Variants in LRP1B observed in about 807,000 individuals in gnomAD.
LRP1B encodes the protein low-density lipoprotein receptor-related protein 1B.
A neutral mutation model predicts 556.6 loss-of-function variants in LRP1B; 217 were observed. That is an observed-to-expected ratio of 0.39 (90% confidence interval 0.35 to 0.44). The LOEUF (loss-of-function observed/expected upper bound fraction) is 0.44. Among genes scored for constraint, LRP1B ranks in the 20% least tolerant of loss-of-function variants. The pLI is 1.00. For synonymous variants in LRP1B, 2,047 were observed against 1,865.8 expected (o/e 1.10, Z -2.50); for missense variants, 5,053 against 5,620.8 (o/e 0.90, Z 3.23).
chr2:140,993,490 C>T (rs927718720), intron 16 of LRP1B, among the ~76,000 whole-genome samples: 2 of 151,956 alleles, frequency 1.3e-5, no homozygotes, highest in Admixed American at 6.6e-5. Flanking sequence ...TTTCTGAGTG[C>T]CCATATGTGT....
chr2:141,158,269 A>G (rs1245669336), intron 7 of LRP1B, among the ~76,000 whole-genome samples: 2 of 152,282 alleles, frequency 1.3e-5, no homozygotes, highest in South Asian at 2.1e-4. Flanking sequence ...ATAATTATGG[A>G]ATTTCAGTGC....
chr2:140,700,972 A>C (rs1686617093), intron 40 of LRP1B, among the ~76,000 whole-genome samples: 1 of 152,114 alleles, frequency 6.6e-6, no homozygotes, highest in African/African-American at 2.4e-5. Context: ...ATCTCACCAG[A>C]AATAATGCAC....
At chr2:142,028,542 G>T (rs1300669665) in intron 1 of LRP1B, among the ~76,000 whole-genome samples, 1 of 151,894 alleles carries the variant, frequency 6.6e-6, no homozygotes, top group Non-Finnish European at 1.5e-5. Flanking sequence ...CCAAACTATG[G>T]ATGTACCATA....
intron 3 of LRP1B, among the ~76,000 whole-genome samples, chr2:141,410,056 A>C (rs1363825905): frequency 6.6e-6 from 1 of 152,014 alleles, no homozygotes; most frequent in Non-Finnish European, 1.5e-5. Flanking sequence ...TAGGAGAGAG[A>C]AAAAACGTAT....
At chr2:140,857,907 A>G (rs1372601042) in intron 27 of LRP1B, among the ~76,000 whole-genome samples, 1 of 152,074 alleles carries the variant, frequency 6.6e-6, no homozygotes, top group African/African-American at 2.4e-5. Context: ...ATCTTAATTT[A>G]TTCTCTGTTA....
intron 3 of LRP1B, among the ~76,000 whole-genome samples, chr2:141,393,967 TC>T (rs1252081551): frequency 1.3e-5 from 2 of 152,140 alleles, no homozygotes; most frequent in Non-Finnish European, 2.9e-5. Flanking sequence ...ATATACCTAA[TC>T]TGTATCTATT....
At chr2:140,755,182 C>A (rs933030227) in intron 35 of LRP1B, among the ~76,000 whole-genome samples, 1 of 152,024 alleles carries the variant, frequency 6.6e-6, no homozygotes, top group East Asian at 1.9e-4. Flanking sequence ...AAATCAAAAT[C>A]GAATCCCTCA....
intron 2 of LRP1B, among the ~76,000 whole-genome samples, chr2:141,706,601 ATAAT>A (rs1171376953): frequency 2.0e-5 from 3 of 152,096 alleles, no homozygotes; most frequent in Admixed American, 2.0e-4. Context: ...CTTACTGAAA[ATAAT>A]TAGAGCTGAT....
intron 18 of LRP1B, among the ~76,000 whole-genome samples, chr2:140,957,851 T>A (rs1246883079): frequency 6.6e-6 from 1 of 151,416 alleles, no homozygotes; most frequent in Non-Finnish European, 1.5e-5. Context: ...AAACTCTAAG[T>A]ACAAGGGTGA....
At chr2:141,288,716 A>G (rs890928726) in intron 3 of LRP1B, among the ~76,000 whole-genome samples, 1 of 152,190 alleles carries the variant, frequency 6.6e-6, no homozygotes, top group African/African-American at 2.4e-5. Flanking sequence ...GCTTATAATT[A>G]TCATATTTTT....
intron 43 of LRP1B, among the ~76,000 whole-genome samples, chr2:140,595,100 A>C (rs75931910): frequency 0.047 from 1,578 of 33,314 alleles, 33 homozygotes; most frequent in Middle Eastern, 0.15. Context: ...ATATATATAT[A>C]TATATATATA....
chr2:140,379,646 G>GATC (rs1459305179), intron 67 of LRP1B, among the ~76,000 whole-genome samples: 17 of 152,142 alleles, frequency 1.1e-4, no homozygotes, highest in Non-Finnish European at 2.4e-4. Flanking sequence ...AGTGAGCTGA[G>GATC]ATCATGCCAC....
At chr2:141,988,708 A>C (rs1042888213) in intron 1 of LRP1B, among the ~76,000 whole-genome samples, 9 of 151,996 alleles carry the variant, frequency 5.9e-5, no homozygotes, top group Non-Finnish European at 1.3e-4. Context: ...GGTGCTCCTT[A>C]GTTGATGCTG....
intron 77 of LRP1B, among the ~76,000 whole-genome samples, chr2:140,347,224 A>C (rs1681729362): frequency 6.6e-6 from 1 of 151,922 alleles, no homozygotes; most frequent in African/African-American, 2.4e-5. Context: ...ATTAACATTC[A>C]GAAGTCTCAT....
chr2:140,734,690 G>A (rs1447276009), intron 35 of LRP1B, among the ~76,000 whole-genome samples: 2 of 152,026 alleles, frequency 1.3e-5, no homozygotes, highest in East Asian at 3.9e-4. Flanking sequence ...CAGCTTCTGT[G>A]TTCTGAATCT....
intron 2 of LRP1B, among the ~76,000 whole-genome samples, chr2:141,735,279 G>T (rs926896552): frequency 6.6e-6 from 1 of 151,580 alleles, no homozygotes; most frequent in Non-Finnish European, 1.5e-5. Context: ...AATATAGATG[G>T]CATGGCATAA....
At chr2:140,702,010 T>C in intron 39 of LRP1B, 131 bp downstream of exon 39, 3 of 1,317,556 alleles carry the variant, frequency 2.3e-6, no homozygotes, top group Non-Finnish European at 3.2e-6. Context: ...ACCTGCCTTT[T>C]CTGTGGAAAT....
At chr2:141,274,851 C>A (rs995228201) in intron 3 of LRP1B, among the ~76,000 whole-genome samples, 2 of 152,136 alleles carry the variant, frequency 1.3e-5, no homozygotes, top group South Asian at 2.1e-4. Context: ...TGATTTTCAA[C>A]TTCTACTTCT....
rs1308243416 is a variant in LRP1B at position 141,299,829 on chromosome 2, C to T, written c.344-45188G>A. Among the ~76,000 whole-genome samples, 9 of 152,078 alleles carry T rather than the reference C, an allele frequency of 5.9e-5. No homozygotes were observed. The East Asian group carries it at 1.7e-3, about 29-fold the overall frequency. ...GAATCAGAATGTTTAATTGATGGGC[C>T]CAGGACTTCAATATTTTTTTAAAAG... On this transcript the variant is annotated intron_variant, in intron 3 of 90. Transcript: ENST00000389484.
Sources: allele counts gnomAD v4.1 joint callset (sites outside exome capture counted in the v4.1 genomes callset), GRCh38; gene constraint gnomAD v4.1.1; transcripts MANE v1.5; gene names NCBI Gene and HGNC (gene_info 2026-07-23, HGNC 2026-07-21).